Variants in RIMBP2 observed in about 807,000 individuals in gnomAD.
RIMBP2 encodes the protein RIMS-binding protein 2.
RIMBP2 carries 48 observed loss-of-function variants against 118.6 expected under a neutral mutation model. The observed-to-expected ratio is 0.40, with a 90% CI of 0.32 to 0.51. The LOEUF (loss-of-function observed/expected upper bound fraction) is 0.51, where lower values mean the gene tolerates loss of function less well. RIMBP2 is among the 20% of genes least tolerant of loss of function. The probability of loss-of-function intolerance (pLI) is 0.41; values close to 1 mark genes in which losing one functional copy is unlikely to be tolerated. For synonymous variants in RIMBP2, 762 were observed against 742.9 expected (o/e 1.03, Z -0.42); for missense variants, 1,551 against 1,768.3 (o/e 0.88, Z 2.20).
At chr12:130,589,274 A>G (rs543598890) in intron 2 of RIMBP2, among the ~76,000 whole-genome samples, 25 of 152,300 alleles carry the variant, frequency 1.6e-4, no homozygotes, top group African/African-American at 5.3e-4. Flanking sequence ...CACCTTCACA[A>G]GTGCACATGT....
chr12:130,461,761 C>T (rs887377747), intron 6 of RIMBP2, among the ~76,000 whole-genome samples: 6 of 152,232 alleles, frequency 3.9e-5, no homozygotes, highest in African/African-American at 1.2e-4. Context: ...CACGACACGC[C>T]TGATCCCCCT....
chr12:130,508,962 C>A (rs935237556), intron 3 of RIMBP2, among the ~76,000 whole-genome samples: 1 of 152,174 alleles, frequency 6.6e-6, no homozygotes, highest in Non-Finnish European at 1.5e-5. Flanking sequence ...TCCTCATGGC[C>A]TGCACCCCCC....
intron 1 of RIMBP2, among the ~76,000 whole-genome samples, chr12:130,654,139 T>G (rs906443958): frequency 6.6e-6 from 1 of 152,246 alleles, no homozygotes; most frequent in African/African-American, 2.4e-5. Flanking sequence ...TTTTTCCTTC[T>G]CTGCCACATG....
intron 2 of RIMBP2, among the ~76,000 whole-genome samples, chr12:130,534,310 G>A (rs1041434382): frequency 1.3e-5 from 2 of 151,596 alleles, no homozygotes; most frequent in African/African-American, 4.8e-5. Context: ...TGGGTATGAT[G>A]TATAATATTC....
At chr12:130,568,775 C>T (rs547378311) in intron 2 of RIMBP2, among the ~76,000 whole-genome samples, 6 of 152,334 alleles carry the variant, frequency 3.9e-5, no homozygotes, top group African/African-American at 1.2e-4. Context: ...CGCTATTTCA[C>T]AAACTCTTTT....
At chr12:130,531,974 TA>T (rs2053440938) in intron 2 of RIMBP2, among the ~76,000 whole-genome samples, 4 of 110,136 alleles carry the variant, frequency 3.6e-5, no homozygotes, top group Admixed American at 1.9e-4. Flanking sequence ...TGCGTATGTT[TA>T]GCCTCTAGGA....
chr12:130,530,640 G>A (rs2053271971), intron 2 of RIMBP2, among the ~76,000 whole-genome samples: 1 of 152,194 alleles, frequency 6.6e-6, no homozygotes, highest in South Asian at 2.1e-4. Context: ...TTATTAACAT[G>A]AAGGATGTGC....
intron 7 of RIMBP2, among the ~76,000 whole-genome samples, chr12:130,452,860 T>C (rs1168197634): frequency 6.6e-6 from 1 of 152,202 alleles, no homozygotes; most frequent in East Asian, 1.9e-4. Context: ...AGTAGTCACC[T>C]TGTATTCACA....
At chr12:130,509,105 G>C (rs916261293) in intron 3 of RIMBP2, among the ~76,000 whole-genome samples, 3 of 152,328 alleles carry the variant, frequency 2.0e-5, no homozygotes, top group Middle Eastern at 3.4e-3. Context: ...CCTTAGAAAG[G>C]CTGCTGGCGA....
At chr12:130,631,964 A>G (rs911724362) in intron 1 of RIMBP2, among the ~76,000 whole-genome samples, 2 of 152,244 alleles carry the variant, frequency 1.3e-5, no homozygotes, top group Admixed American at 1.3e-4. Flanking sequence ...GAAACCTTAT[A>G]CTATCACATT....
chr12:130,473,870 A>G (rs1264010966), intron 5 of RIMBP2, among the ~76,000 whole-genome samples: 1 of 152,262 alleles, frequency 6.6e-6, no homozygotes, highest in Non-Finnish European at 1.5e-5. Flanking sequence ...TTAACTATGC[A>G]TCGGGCGGTG....
intron 2 of RIMBP2, among the ~76,000 whole-genome samples, chr12:130,534,683 CA>C (rs2053829453): frequency 6.6e-6 from 1 of 152,212 alleles, no homozygotes; most frequent in African/African-American, 2.4e-5. Context: ...TAGCTAAGTT[CA>C]CCCATGTCAT....
intron 4 of RIMBP2, among the ~76,000 whole-genome samples, chr12:130,480,622 A>T (rs547746374): frequency 9.2e-5 from 14 of 151,990 alleles, no homozygotes; most frequent in Non-Finnish European, 1.5e-4. Context: ...TTTTTTTGAG[A>T]TGGAGTCTTG....
In RIMBP2 at chr12:130,703,877, C is replaced by T. The variant is rs973771068; in HGVS notation, c.-352+12345G>A. On this transcript the variant is annotated intron_variant, in intron 1 of 22. Coordinates refer to ENST00000690449, the MANE Select transcript of RIMBP2 (RefSeq NM_001393629.1). This position sits in a 1 kb window ranked among gnomAD's most constrained non-coding sequence, Gnocchi z 5.7. The stretch of plus-strand genomic sequence containing the variant: ...AGGGAACCCTGAGCCTGAGCCTGAA[C>T]GCAGCGCAGAGGTCTGGGGCCCGAC... Among the ~76,000 whole-genome samples the T allele has an allele frequency of 3.9e-5, 6 of 152,076 alleles. No individual in the cohort carries two copies. The highest frequency in any genetic ancestry group is 6.6e-5 in the Admixed American group (1 of 15,248).
chr12:130,444,032 T>A (rs2078335334), intron 10 of RIMBP2, among the ~76,000 whole-genome samples: 1 of 152,170 alleles, frequency 6.6e-6, no homozygotes, highest in Non-Finnish European at 1.5e-5. Context: ...TGAGTTTTGA[T>A]CCCTGCCTGC....
chr12:130,547,086 A>T (rs1175791107), intron 2 of RIMBP2, among the ~76,000 whole-genome samples: 2 of 152,210 alleles, frequency 1.3e-5, no homozygotes, highest in African/African-American at 2.4e-5. Context: ...AGACTGTGAA[A>T]ATAAAATGCA....
At chr12:130,558,403 G>A (rs991223552) in intron 2 of RIMBP2, among the ~76,000 whole-genome samples, 8 of 152,260 alleles carry the variant, frequency 5.3e-5, no homozygotes, top group East Asian at 1.9e-4. Context: ...CACAGCTGCC[G>A]GGGTGGGGCT....
intron 2 of RIMBP2, among the ~76,000 whole-genome samples, chr12:130,613,831 A>AAC (rs1555308722): frequency 2.6e-5 from 4 of 151,340 alleles, no homozygotes; most frequent in African/African-American, 7.3e-5. Flanking sequence ...AAAAAAAAAA[A>AAC]AACTCAGTCT....
chr12:130,438,334 A>ATCCGGGGGGGGG, intron 12 of RIMBP2, 31 bp downstream of exon 12: 2 of 1,344,514 alleles, frequency 1.5e-6, no homozygotes, highest in Non-Finnish European at 2.1e-6. Context: ...GGGCCTAACA[A>ATCCGGGGGGGGG]ACCCTCCCCA....
Sources: gnomAD v4.1 joint callset for allele counts (sites outside exome capture counted in the v4.1 genomes callset) on GRCh38, gnomAD v4.1.1 for gene constraint, Gnocchi (gnomAD v3.1) non-coding constraint, MANE v1.5 for transcripts, NCBI Gene and HGNC (gene_info 2026-07-23, HGNC 2026-07-21) for gene names.